The following GPC3 variants were observed in gnomAD, a reference collection of about 807,000 sequenced individuals.
GPC3 encodes glypican-3.
In GPC3, 3 loss-of-function variants were observed where a neutral mutation model predicts 34.4. The ratio of observed to expected loss-of-function variants is 0.09; its 90% CI spans 0.04 to 0.23. GPC3 has a LOEUF of 0.23. GPC3 is among the 10% of genes least tolerant of loss of function. The probability of loss-of-function intolerance (pLI) is 1.00; values close to 1 mark genes in which losing one functional copy is unlikely to be tolerated. For missense variants in GPC3, 351 were observed against 445.6 expected, an observed-to-expected ratio of 0.79 and a Z score of 1.91; for synonymous variants, 177 against 174.0, an observed-to-expected ratio of 1.02 and a Z score of -0.13.
At position 133,622,225 on chromosome X, in the gene GPC3, A is replaced by T. The variant is rs775222844; in HGVS notation, c.1414-25626T>A. ...AGAAACCAGAGCAGAAAAGCTGAAAATTCTAAAAATCGGAGCACCTCCTCT... is the reference window on the plus strand; with the variant it reads ...AGAAACCAGAGCAGAAAAGCTGAAATTTCTAAAAATCGGAGCACCTCCTCT... On this transcript the variant is annotated intron_variant, in intron 6 of 7. Coordinates refer to ENST00000370818, the MANE Select transcript of GPC3 (RefSeq NM_004484.4). Among the ~76,000 whole-genome samples, 8 of 112,241 alleles carry T rather than the reference A, an allele frequency of 7.1e-5. No individual in the cohort carries two copies. In the East Asian group the frequency reaches 2.2e-3, roughly 32 times the overall value.
intron 3 of GPC3, among the ~76,000 whole-genome samples, chrX:133,739,319 C>T (rs2071542118): frequency 9.0e-6 from 1 of 111,656 alleles, no homozygotes; most frequent in Admixed American, 9.5e-5. Flanking sequence ...AGATGAGTGC[C>T]TCCATGTGAG....
chrX:133,850,435 T>C (rs1461276347), intron 2 of GPC3, among the ~76,000 whole-genome samples: 1 of 110,418 alleles, frequency 9.1e-6, no homozygotes, highest in East Asian at 2.9e-4. Flanking sequence ...ACTGCCAAAT[T>C]TCTGAGGGAG....
intron 1 of GPC3, among the ~76,000 whole-genome samples, chrX:133,971,639 C>T (rs2076494218): frequency 9.0e-6 from 1 of 110,976 alleles, no homozygotes; most frequent in Admixed American, 9.6e-5. Context: ...CATAAAGCAC[C>T]TTCTGTTCTA....
chrX:133,716,834 G>A (rs896654204), intron 3 of GPC3, among the ~76,000 whole-genome samples: 3 of 112,064 alleles, frequency 2.7e-5, no homozygotes, highest in African/African-American at 9.7e-5. Flanking sequence ...AAGAAACTCA[G>A]TGAATTCCAA....
intron 3 of GPC3, among the ~76,000 whole-genome samples, chrX:133,712,517 A>G (rs1285630438): frequency 9.0e-6 from 1 of 111,686 alleles, no homozygotes; most frequent in Non-Finnish European, 1.9e-5. Flanking sequence ...AACGCACTGA[A>G]ACATACTGTA....
At chrX:133,897,406 A>G (rs2076122191) in intron 2 of GPC3, among the ~76,000 whole-genome samples, 1 of 107,844 alleles carries the variant, frequency 9.3e-6, no homozygotes, top group Non-Finnish European at 1.9e-5. Context: ...GGTGTATTCT[A>G]TCCACGTTTT....
intron 6 of GPC3, among the ~76,000 whole-genome samples, chrX:133,610,642 C>T (rs751183875): frequency 1.9e-5 from 2 of 105,891 alleles, no homozygotes; most frequent in East Asian, 5.9e-4. Flanking sequence ...CTTCTGGATA[C>T]AGCTATGGTA....
intron 5 of GPC3, chrX:133,671,042 C>A: frequency 1.8e-6 from 1 of 556,286 alleles, no homozygotes; most frequent in South Asian, 2.3e-5. Flanking sequence ...AACAAATGGT[C>A]ATTGATGTCC....
intron 7 of GPC3, among the ~76,000 whole-genome samples, chrX:133,557,432 A>C (rs1323839767): frequency 1.8e-5 from 2 of 112,010 alleles, no homozygotes; most frequent in African/African-American, 6.5e-5. Context: ...TCACCACAGA[A>C]TATGACTTGG....
chrX:133,722,362 C>A (rs889066582), intron 3 of GPC3, among the ~76,000 whole-genome samples: 6 of 111,314 alleles, frequency 5.4e-5, no homozygotes, highest in African/African-American at 1.3e-4. Context: ...TCACATAAAA[C>A]AATGTCACTG....
intron 3 of GPC3, among the ~76,000 whole-genome samples, chrX:133,736,244 A>T (rs191560505): frequency 8.9e-6 from 1 of 112,141 alleles, no homozygotes; most frequent in East Asian, 2.8e-4. Flanking sequence ...GTTGGTGTGG[A>T]TGTGGAGAAA....
chrX:133,608,876 G>A (rs2070078004), intron 6 of GPC3, among the ~76,000 whole-genome samples: 1 of 111,957 alleles, frequency 8.9e-6, no homozygotes, highest in Admixed American at 9.4e-5. Flanking sequence ...AATTGAGACT[G>A]GGACTTGAAA....
At chrX:133,921,587 A>G (rs1374312675) in intron 2 of GPC3, among the ~76,000 whole-genome samples, 2 of 112,219 alleles carry the variant, frequency 1.8e-5, no homozygotes, top group Non-Finnish European at 3.8e-5. Flanking sequence ...ATGTGATTCC[A>G]AAGTCTATGA....
At chrX:133,971,442 T>C (rs1023992462) in intron 1 of GPC3, among the ~76,000 whole-genome samples, 4 of 111,202 alleles carry the variant, frequency 3.6e-5, no homozygotes, top group African/African-American at 9.8e-5. Context: ...TTTCTCTCCA[T>C]TGAGGACAGA....
intron 1 of GPC3, among the ~76,000 whole-genome samples, chrX:133,968,835 G>C (rs757535562): frequency 3.3e-4 from 36 of 110,011 alleles, no homozygotes; most frequent in Non-Finnish European, 6.1e-4. Flanking sequence ...GGATAGAATA[G>C]GGGATACTTA....
At chrX:133,731,999 G>GA (rs2071466386) in intron 3 of GPC3, among the ~76,000 whole-genome samples, 1 of 112,192 alleles carries the variant, frequency 8.9e-6, no homozygotes, top group Non-Finnish European at 1.9e-5. Context: ...CCAAGGCCAG[G>GA]ATCCAGGATA....
intron 2 of GPC3, among the ~76,000 whole-genome samples, chrX:133,760,083 GA>G (rs1479090402): frequency 8.9e-6 from 1 of 112,002 alleles, no homozygotes. Context: ...AAATAACAAT[GA>G]GATACCATCA....
At chrX:133,778,277 G>A (rs2072008748) in intron 2 of GPC3, among the ~76,000 whole-genome samples, 1 of 111,801 alleles carries the variant, frequency 8.9e-6, no homozygotes. Flanking sequence ...CTTTCTTTAT[G>A]AAGACTGTAG....
intron 5 of GPC3, among the ~76,000 whole-genome samples, chrX:133,688,475 A>C (rs2071030474): frequency 8.9e-6 from 1 of 111,755 alleles, no homozygotes; most frequent in African/African-American, 3.3e-5. Context: ...GGAAAATATG[A>C]CCTTATTCAG....
Sources: allele counts gnomAD v4.1 joint callset (sites outside exome capture counted in the v4.1 genomes callset), GRCh38; gene constraint gnomAD v4.1.1; transcripts MANE v1.5; gene names NCBI Gene and HGNC (gene_info 2026-07-23, HGNC 2026-07-21).